ADISSP: variants seen among roughly 807,000 people sequenced by gnomAD.
The protein encoded by ADISSP is adipose-secreted signaling protein.
the ADISSP span, among the ~76,000 whole-genome samples, chr20:3,763,295 C>T: frequency 1.4e-3 from 205 of 148,678 alleles, 3 homozygotes; most frequent in South Asian, 0.04. Flanking sequence ...AGGTGGCTCA[C>T]GCCTGTAATC....
At chr20:3,759,386 G>A in the ADISSP span, among the ~76,000 whole-genome samples, 3 of 152,174 alleles carry the variant, frequency 2.0e-5, no homozygotes, top group Admixed American at 1.3e-4. The surrounding 1 kb of genome is among the most constrained non-coding windows in gnomAD (Gnocchi z 4.6). Flanking sequence ...GGTTCTCCAA[G>A]GCCAGAAAGG....
At chr20:3,765,872 A>G in the ADISSP span, among the ~76,000 whole-genome samples, 2 of 152,086 alleles carry the variant, frequency 1.3e-5, no homozygotes, top group African/African-American at 4.8e-5. Flanking sequence ...CTAGGGAGGA[A>G]CATGGTGCCT....
the ADISSP span, chr20:3,755,751 G>T: frequency 1.5e-6 from 1 of 651,422 alleles, no homozygotes. Context: ...CATCACTCCA[G>T]CTGATCGACC....
chr20:3,755,723 A>C, the ADISSP span: 1 of 848,120 alleles, frequency 1.2e-6, no homozygotes, highest in Non-Finnish European at 1.8e-6. Flanking sequence ...CAGAGAGCCC[A>C]GAAAGCCCAA....
the ADISSP span, chr20:3,754,025 C>T: frequency 1.3e-6 from 2 of 1,537,710 alleles, no homozygotes; most frequent in Non-Finnish European, 1.8e-6. Flanking sequence ...GGGTTTAAGG[C>T]TGAGGGGCCC....
chr20:3,754,310 G>A, the ADISSP span: 2 of 1,539,266 alleles, frequency 1.3e-6, no homozygotes, highest in Non-Finnish European at 1.8e-6. Context: ...AGGATCCCTT[G>A]TTCAGCCTTG....
the ADISSP span, among the ~76,000 whole-genome samples, chr20:3,761,182 A>T: frequency 6.6e-6 from 1 of 152,226 alleles, no homozygotes; most frequent in African/African-American, 2.4e-5. Context: ...ATAACAAAGA[A>T]ATGACCAAAT....
At chr20:3,755,375 G>A in the ADISSP span, 3 of 1,231,748 alleles carry the variant, frequency 2.4e-6, no homozygotes, top group South Asian at 2.5e-5. Context: ...TCCCCGACTT[G>A]CTGAGCTGCC....
chr20:3,754,199 G>A, the ADISSP span: 3 of 1,575,712 alleles, frequency 1.9e-6, no homozygotes, highest in Admixed American at 3.4e-5. Flanking sequence ...CTGGCCCCCG[G>A]CCCCACCCAT....
the ADISSP span, among the ~76,000 whole-genome samples, chr20:3,758,032 A>G: frequency 6.6e-6 from 1 of 152,014 alleles, no homozygotes; most frequent in Non-Finnish European, 1.5e-5. This position sits in a 1 kb window ranked among gnomAD's most constrained non-coding sequence, Gnocchi z 5.5. Flanking sequence ...TGATAATACT[A>G]CTTCAAAGAG....
At chr20:3,754,386 C>G in the ADISSP span, 1 of 1,604,732 alleles carries the variant, frequency 6.2e-7, no homozygotes, top group Non-Finnish European at 8.5e-7. Flanking sequence ...CCAGGAGCCT[C>G]ACGCTCTCAC....
chr20:3,760,027 C>T, the ADISSP span: 1 of 1,612,536 alleles, frequency 6.2e-7, no homozygotes. Context: ...GGCCCTCCTA[C>T]CAGGGCCCAC....
the ADISSP span, chr20:3,754,604 C>T: frequency 7.1e-7 from 1 of 1,408,444 alleles, no homozygotes; most frequent in Non-Finnish European, 1.0e-6. Context: ...CTACCCACCA[C>T]CATGGGGGGA....
At chr20:3,754,196 C>T in the ADISSP span, 2 of 1,575,510 alleles carry the variant, frequency 1.3e-6, no homozygotes, top group East Asian at 2.3e-5. Flanking sequence ...ATGCTGGCCC[C>T]CGGCCCCACC....
At chr20:3,764,230 C>T in the ADISSP span, among the ~76,000 whole-genome samples, 1 of 152,222 alleles carries the variant, frequency 6.6e-6, no homozygotes, top group Non-Finnish European at 1.5e-5. Context: ...GCAGAGGCTG[C>T]TCCAGCCACA....
the ADISSP span, among the ~76,000 whole-genome samples, chr20:3,764,777 G>A: frequency 6.6e-6 from 1 of 152,246 alleles, no homozygotes; most frequent in Non-Finnish European, 1.5e-5. Context: ...GCCAAGGCCC[G>A]TACTTCAGCC....
At chr20:3,755,535 C>T in the ADISSP span, 4 of 1,613,546 alleles carry the variant, frequency 2.5e-6, no homozygotes, top group Non-Finnish European at 3.4e-6. Context: ...TCGCGGACAT[C>T]CTTGCTCAGC....
chr20:3,754,746 G>A, the ADISSP span, among the ~76,000 whole-genome samples: 3 of 152,344 alleles, frequency 2.0e-5, no homozygotes, highest in East Asian at 5.8e-4. Flanking sequence ...TCCAGCCTGT[G>A]GGCCACCCCA....
chr20:3,759,552 G>A, the ADISSP span, among the ~76,000 whole-genome samples: 19 of 152,202 alleles, frequency 1.2e-4, no homozygotes, highest in Non-Finnish European at 2.2e-4. The surrounding 1 kb of genome is among the most constrained non-coding windows in gnomAD (Gnocchi z 4.6). Flanking sequence ...GGTCCTCTTG[G>A]CGGGAGGACC....
Sources: gnomAD v4.1 joint callset for allele counts (sites outside exome capture counted in the v4.1 genomes callset) on GRCh38, gnomAD v4.1.1 for gene constraint, Gnocchi (gnomAD v3.1) non-coding constraint, MANE v1.5 for transcripts, NCBI Gene and HGNC (gene_info 2026-07-23, HGNC 2026-07-21) for gene names.